IER2: variants seen among roughly 807,000 people sequenced by gnomAD.
The protein encoded by IER2 is immediate early response gene 2 protein.
For missense variants in IER2, 372 were observed against 325.4 expected (o/e 1.14, Z -1.10); for synonymous variants, 198 against 149.6 (o/e 1.32, Z -2.36).
chr19:13,151,884 C>T (rs1384756933), intron 1 of IER2: 2 of 152,002 alleles, frequency 1.3e-5, no homozygotes, highest in African/African-American at 2.4e-5. Context: ...GCGGCCCGCG[C>T]GACTGCCCTA....
intron 1 of IER2, chr19:13,152,379 G>A (rs1036307208): frequency 6.6e-6 from 1 of 152,252 alleles, no homozygotes; most frequent in African/African-American, 2.4e-5. Context: ...CTACAAGCAA[G>A]GGCTGGCGTA....
At position 13,153,524 on chromosome 19, in the gene IER2, C is replaced by A; in HGVS notation, c.338C>A (p.Pro113Gln). The part of the protein sequence containing the change: ...TAEETSACCA[P>Q]RPAKVSRKRR... The stretch of plus-strand genomic sequence containing the variant: ...GAGGAGACCTCCGCCTGCTGTGCCC[C>A]GCGCCCCGCCAAAGTCAGCCGCAAA... Residue 113 changes from proline (P) to glutamine (Q), a missense_variant, in exon 2 of 2, where the codon CCG becomes CAG. Physicochemically the swap from Pro to Gln is moderately conservative, Grantham distance 76. Coordinates refer to ENST00000292433, the MANE Select transcript of IER2 (RefSeq NM_004907.3). 1 of 1,583,080 alleles carries A rather than the reference C, an allele frequency of 6.3e-7. No individual in the cohort carries two copies. The highest frequency in any genetic ancestry group is 8.6e-7 in the Non-Finnish European group (1 of 1,165,564).
rs955274334 is a variant in IER2, at chr19:13,154,902, TAAAA to T, written c.*1047_*1050del. ...GATAGGAAAATAAAAACCATTTGAGTAAAAAAGCCGGTGCTGTCTGGTTTTCTGC... is the reference window on the plus strand; with the variant it reads ...GATAGGAAAATAAAAACCATTTGAGTAAGCCGGTGCTGTCTGGTTTTCTGC... On this transcript the variant is annotated 3_prime_UTR_variant, in exon 2 of 2. Coordinates refer to ENST00000292433, the MANE Select transcript of IER2 (RefSeq NM_004907.3). 17 of 165,516 alleles carry T rather than the reference TAAAA, an allele frequency of 1.0e-4. No individual in the cohort carries two copies. The highest frequency in any genetic ancestry group is 4.1e-4 in the African/African-American group (17 of 41,048). The allele number at this position is 165,516 out of a possible 1,614,324, so 10.3% of individuals were successfully genotyped here. A position where few individuals can be genotyped will look rare whatever the true frequency, so the allele number is the denominator to read the frequency against.
chr19:13,154,109 C>T lies in IER2; in HGVS notation c.*251C>T, dbSNP rs929482766. The T allele has an allele frequency of 6.3e-6, 3 of 475,614 alleles. No homozygotes were observed. The highest frequency in any genetic ancestry group is 6.2e-5 in the African/African-American group (3 of 48,534). 29.5% of individuals were successfully genotyped at this position (475,614 alleles called of 1,614,324 possible). A position where few individuals can be genotyped will look rare whatever the true frequency, so the allele number is the denominator to read the frequency against. On this transcript the variant is annotated 3_prime_UTR_variant, in exon 2 of 2. Coordinates refer to ENST00000292433, the MANE Select transcript of IER2 (RefSeq NM_004907.3). ...CGCGGGCGCCTTCCGCAGAGACCTGCGCCCACAGGTGCTGTCTTAGTGGAC... is the reference window on the plus strand; with the variant it reads ...CGCGGGCGCCTTCCGCAGAGACCTGTGCCCACAGGTGCTGTCTTAGTGGAC...
chr19:13,153,707 T>G lies in IER2; in HGVS notation c.521T>G (p.Leu174Arg), dbSNP rs751671169. 1.2e-6 allele frequency: 2 copies of G among 1,610,204 alleles called. No homozygotes were observed. The highest frequency in any genetic ancestry group is 1.7e-5 in the Admixed American group (1 of 59,956). Residue 174 changes from leucine (L) to arginine (R), a missense_variant, in exon 2 of 2, where the codon CTG becomes CGG. Transcript: ENST00000292433. Reference sequence around the variant, plus strand: ...CAAGCGGAGGGCGCCTTTCCCAACCTGGCCCGCGTCCTGCAGAGGCGCTTC... The same window carrying G: ...CAAGCGGAGGGCGCCTTTCCCAACCGGGCCCGCGTCCTGCAGAGGCGCTTC... ...PAQAEGAFPN[L>R]ARVLQRRFSG...
Position 13,153,383 on chromosome 19 carries a change from C to A in IER2, c.197C>A (p.Pro66His), listed in dbSNP as rs1287681967. ...EPEVSLPAAL[P>H]SDPRLHPPRE... is the part of the protein sequence containing the mutation. The stretch of plus-strand genomic sequence containing the variant: ...GAGGTGTCGTTGCCGGCCGCCCTCC[C>A]CTCTGACCCTCGCCTGCACCCGCCC... The change falls in exon 2 of 2, where the codon CCC becomes CAC. Residue 66 changes from proline to histidine, a missense_variant. Physicochemically the swap from Pro to His is moderately conservative, Grantham distance 77 (BLOSUM62 -2). Coordinates refer to ENST00000292433, the MANE Select transcript of IER2 (RefSeq NM_004907.3). The A allele has an allele frequency of 1.3e-6, 2 of 1,591,360 alleles. No homozygotes were observed. The highest frequency in any genetic ancestry group is 2.3e-5 in the East Asian group (1 of 43,762).
Position 13,152,933 on chromosome 19 carries a change from G to GGGTAAAC in IER2, c.-243-11_-243-10insGGTAAAC. 2.9e-6 allele frequency: 1 copy of GGGTAAAC among 339,040 alleles called. No individual in the cohort carries two copies. The highest frequency in any genetic ancestry group is 5.3e-6 in the Non-Finnish European group (1 of 187,234). The allele number at this position is 339,040 out of a possible 1,614,324, so 21.0% of individuals were successfully genotyped here. The stretch of plus-strand genomic sequence containing the variant: ...TTCCCTGCTGGGTAAATCGCATTCT[G>GGGTAAAC]TCTCTTTAAGGAGTGTTTGGCCGCG... On this transcript the variant is annotated splice_polypyrimidine_tract_variant and intron_variant, in intron 1 of 1. Transcript: ENST00000292433.
At position 13,153,241 on chromosome 19, in the gene IER2, T is replaced by C. The variant is rs1409575176; in HGVS notation, c.55T>C (p.Tyr19His). 6.4e-7 allele frequency: 1 copy of C among 1,561,576 alleles called. No homozygotes were observed. The part of the protein sequence containing the change: ...RIMTLSVWKM[Y>H]HSRMQRGGLR... ...CATGACCCTGTCGGTGTGGAAGATG[T>C]ATCACTCCCGCATGCAGCGCGGTGG... The change falls in exon 2 of 2, where the codon TAT (tyrosine) becomes CAT (histidine). Residue 19 changes from tyrosine to histidine, a missense_variant. Physicochemically the swap from Tyr to His is moderately conservative, Grantham distance 83 (BLOSUM62 2). Coordinates refer to ENST00000292433, the MANE Select transcript of IER2 (RefSeq NM_004907.3).
chr19:13,153,607 G>A lies in IER2; in HGVS notation c.421G>A (p.Ala141Thr), dbSNP rs1191395611. The A allele has an allele frequency of 4.3e-6, 7 of 1,610,962 alleles. No homozygotes were observed. In the African/African-American group the frequency reaches 9.4e-5, roughly 22 times the overall value. The change falls in exon 2 of 2, where the codon GCC (alanine) becomes ACC (threonine). Residue 141 changes from alanine (A) to threonine (T), a missense_variant. Transcript: ENST00000292433. ...CGCTGGACTGGTCCCGAGCAAGAAA[G>A]CCCGTCTGGAAGAAAAGGAAGAAGA... is the stretch of plus-strand genomic sequence containing the variant. ...GDAGLVPSKK[A>T]RLEEKEEEEG... is the part of the protein sequence containing the mutation.
Position 13,153,384 on chromosome 19 carries a change from C to G in IER2, c.198C>G (p.Pro66=), listed in dbSNP as rs1345569719. The G allele has an allele frequency of 1.3e-5, 20 of 1,591,474 alleles. No homozygotes were observed. The highest frequency in any genetic ancestry group is 1.7e-5 in the Non-Finnish European group (20 of 1,171,484). ...AGGTGTCGTTGCCGGCCGCCCTCCC[C>G]TCTGACCCTCGCCTGCACCCGCCCC... ...EPEVSLPAAL[P]SDPRLHPPRE... is the part of the protein sequence containing the mutation. Residue 66 remains proline, a synonymous_variant, in exon 2 of 2, where the codon CCC becomes CCG. Transcript: ENST00000292433.
rs555782939 is a variant in IER2, at chr19:13,154,024, T to G, written c.*166T>G. ...CTGAGAGGCCCGGAGAGGGACTCTG[T>G]CCCCGGGGAGCCATCGCCTTCAGTG... On this transcript the variant is annotated 3_prime_UTR_variant, in exon 2 of 2. Transcript: ENST00000292433. 31 of 600,324 alleles carry G rather than the reference T, an allele frequency of 5.2e-5. No individual in the cohort carries two copies. Among genetic ancestry groups the G allele is most frequent in the Admixed American group, 8.2e-5 (2 of 24,314 alleles). 37.2% of individuals were successfully genotyped at this position (600,324 alleles called of 1,614,324 possible). A position where few individuals can be genotyped will look rare whatever the true frequency, so the allele number is the denominator to read the frequency against.
At position 13,152,927 on chromosome 19, in the gene IER2, C is replaced by T. The variant is rs572982240; in HGVS notation, c.-243-17C>T. On this transcript the variant is annotated splice_polypyrimidine_tract_variant and intron_variant, in intron 1 of 1. Transcript: ENST00000292433. ...TCCCCTTTCCCTGCTGGGTAAATCG[C>T]ATTCTGTCTCTTTAAGGAGTGTTTG... 1.8e-5 allele frequency: 6 copies of T among 324,794 alleles called. No homozygotes were observed. The highest frequency in any genetic ancestry group is 1.3e-4 in the African/African-American group (6 of 47,032). 20.1% of individuals were successfully genotyped at this position (324,794 alleles called of 1,614,324 possible).
rs62109928 is a variant in IER2, at chr19:13,150,467, G to C, written c.-329G>C. 10,975 of 362,702 alleles carry C rather than the reference G, an allele frequency of 0.03. 271 individuals carry two copies. Among genetic ancestry groups the C allele is most frequent in the Middle Eastern group, 0.089 (118 of 1,326 alleles). The allele number at this position is 362,702 out of a possible 1,614,324, so 22.5% of individuals were successfully genotyped here. A position where few individuals can be genotyped will look rare whatever the true frequency, so the allele number is the denominator to read the frequency against. On this transcript the variant is annotated 5_prime_UTR_variant, in exon 1 of 2. Transcript: ENST00000292433. The surrounding 1 kb of genome is among the most constrained non-coding windows in gnomAD (Gnocchi z 4.0). ...GTCGGAGTTCTGTCTGGGCCTATTC[G>C]GGTCCGAGTTCGGAATTTCGGTTCA...
intron 1 of IER2, chr19:13,152,488 G>C (rs1475857684): frequency 6.6e-6 from 1 of 152,304 alleles, no homozygotes; most frequent in Non-Finnish European, 1.5e-5. Flanking sequence ...CTCTGCCTTG[G>C]TTTCCCCACT....
At chr19:13,152,373 A>G (rs1461740674) in intron 1 of IER2, 1 of 152,228 alleles carries the variant, frequency 6.6e-6, no homozygotes, top group African/African-American at 2.4e-5. Flanking sequence ...CACCGCCTAC[A>G]AGCAAGGGCT....
Position 13,153,751 on chromosome 19 carries a change from A to G in IER2, c.565A>G (p.Ser189Gly), listed in dbSNP as rs775338795. ...QRRFSGLLNC[S>G]PAAPPTAPPA... ...GCGCTTCTCCGGCCTCCTGAACTGCAGCCCCGCGGCCCCTCCGACGGCGCC... is the reference window on the plus strand; with the variant it reads ...GCGCTTCTCCGGCCTCCTGAACTGCGGCCCCGCGGCCCCTCCGACGGCGCC... The change falls in exon 2 of 2, where the codon AGC becomes GGC. Residue 189 changes from serine to glycine, a missense_variant. Transcript: ENST00000292433. 6.3e-7 allele frequency: 1 copy of G among 1,590,252 alleles called. No individual in the cohort carries two copies. Among genetic ancestry groups the G allele is most frequent in the Non-Finnish European group, 8.5e-7 (1 of 1,172,626 alleles).
In IER2 at chr19:13,153,212, G is replaced by A; in HGVS notation, c.26G>A (p.Arg9His). 2 of 1,519,544 alleles carry A rather than the reference G, an allele frequency of 1.3e-6. No homozygotes were observed. The highest frequency in any genetic ancestry group is 1.4e-5 in the African/African-American group (1 of 71,074). The allele number at this position is 1,519,544 out of a possible 1,614,324, so 94.1% of individuals were successfully genotyped here. A position where few individuals can be genotyped will look rare whatever the true frequency, so the allele number is the denominator to read the frequency against. ...ATGGAAGTGCAGAAAGAGGCACAGC[G>A]CATCATGACCCTGTCGGTGTGGAAG... MEVQKEAQ[R>H]IMTLSVWKMY... is the part of the protein sequence containing the mutation. Residue 9 changes from arginine (R) to histidine (H), a missense_variant, in exon 2 of 2, where the codon CGC (arginine) becomes CAC (histidine). By Grantham distance (29) the Arg-to-His change is conservative. Transcript: ENST00000292433.
chr19:13,153,713 G>A lies in IER2; in HGVS notation c.527G>A (p.Arg176His), dbSNP rs1213008451. ...GAGGGCGCCTTTCCCAACCTGGCCC[G>A]CGTCCTGCAGAGGCGCTTCTCCGGC... ...QAEGAFPNLA[R>H]VLQRRFSGLL... Residue 176 changes from arginine to histidine, a missense_variant, in exon 2 of 2, where the codon CGC becomes CAC. By Grantham distance (29) the Arg-to-His change is conservative. Transcript: ENST00000292433. 3 of 1,609,434 alleles carry A rather than the reference G, an allele frequency of 1.9e-6. No homozygotes were observed. The highest frequency in any genetic ancestry group is 2.2e-5 in the East Asian group (1 of 44,858).
chr19:13,153,127 G>A lies in IER2; in HGVS notation c.-60G>A. ...CGTGAGCGAGCCCGTTGTCCGGAGT[G>A]CACCTGCTGCCTGTTCTGTCCCTCC... On this transcript the variant is annotated 5_prime_UTR_variant, in exon 2 of 2. Transcript: ENST00000292433. 1 of 1,294,844 alleles carries A rather than the reference G, an allele frequency of 7.7e-7. No individual in the cohort carries two copies. Among genetic ancestry groups the A allele is most frequent in the African/African-American group, 1.5e-5 (1 of 65,828 alleles). The allele number at this position is 1,294,844 out of a possible 1,614,324, so 80.2% of individuals were successfully genotyped here. A position where few individuals can be genotyped will look rare whatever the true frequency, so the allele number is the denominator to read the frequency against.
Sources: allele counts gnomAD v4.1 joint callset, GRCh38; gene constraint gnomAD v4.1.1; non-coding constraint Gnocchi (gnomAD v3.1); transcripts MANE v1.5; gene names NCBI Gene and HGNC (gene_info 2026-07-23, HGNC 2026-07-21).